Variants in DDX50 observed in about 807,000 individuals in gnomAD.
DDX50 encodes the protein ATP-dependent RNA helicase DDX50.
Under a neutral mutation model 94.8 loss-of-function variants are expected in DDX50, and 56 were observed. The observed-to-expected ratio is 0.59, with a 90% CI of 0.48 to 0.74. DDX50 has a LOEUF of 0.74. Ranked by LOEUF, DDX50 falls within the 30% of genes least tolerant of loss-of-function variation. The probability of loss-of-function intolerance (pLI) is 0.00; values close to 1 mark genes in which losing one functional copy is unlikely to be tolerated. For missense variants in DDX50, 713 were observed against 881.2 expected (o/e 0.81, Z 2.42); for synonymous variants, 264 against 295.4 (o/e 0.89, Z 1.09).
intron 8 of DDX50, among the ~76,000 whole-genome samples, chr10:68,932,442 T>C (rs1428424391): frequency 6.6e-6 from 1 of 152,068 alleles, no homozygotes; most frequent in Non-Finnish European, 1.5e-5. Context: ...GTATTTTTAG[T>C]AGAGATGAGG....
intron 11 of DDX50, among the ~76,000 whole-genome samples, chr10:68,936,488 CAAAAAAAAAAAAA>C (rs1212336346): frequency 8.2e-4 from 22 of 26,822 alleles, no homozygotes; most frequent in African/African-American, 1.9e-3. Context: ...GACTCTGTCT[CAAAAAAAAAAAAA>C]AAAAAAAAAA....
rs1157178909 is a variant in DDX50 at position 68,908,637 on chromosome 10, C to CTTTT, written c.384+1648_385-1649dup. ...TTTCCTCTGTAGTTTTTAAAATTTC[C>CTTTT]TTTTTTTTTTTTTTTTTTTTTGAGA... is the stretch of plus-strand genomic sequence containing the variant. On this transcript the variant is annotated intron_variant, in intron 2 of 14. Transcript: ENST00000373585. 3.8e-4 allele frequency among the ~76,000 whole-genome samples: 36 copies of CTTTT among 95,746 alleles called. 1 individual carries two copies. Among genetic ancestry groups the CTTTT allele is most frequent in the Non-Finnish European group, 5.9e-4 (29 of 48,904 alleles). The allele number at this position is 95,746 out of a possible 152,430, so 62.8% of individuals were successfully genotyped here.
rs1842354567 is a variant in DDX50 at position 68,934,454 on chromosome 10, C to T, written c.1401+94C>T. 1 of 1,530,478 alleles carries T rather than the reference C, an allele frequency of 6.5e-7. No individual in the cohort carries two copies. The highest frequency in any genetic ancestry group is 8.9e-7 in the Non-Finnish European group (1 of 1,128,792). The allele number at this position is 1,530,478 out of a possible 1,614,324, so 94.8% of individuals were successfully genotyped here. On this transcript the variant is annotated intron_variant, in intron 9 of 14. Coordinates refer to ENST00000373585, the MANE Select transcript of DDX50 (RefSeq NM_024045.2). This position sits in a 1 kb window ranked among gnomAD's most constrained non-coding sequence, Gnocchi z 4.0. ...ATTGCTTGGGATGTGAAAAATATGT[C>T]ATCTCTTCTTGCTCTTAGCCATTTT...
At chr10:68,936,176 G>A (rs938520926) in intron 11 of DDX50, 97 bp downstream of exon 11, 4 of 899,714 alleles carry the variant, frequency 4.4e-6, no homozygotes, top group African/African-American at 1.7e-5. Context: ...TTTACCACCA[G>A]TTTTACCAGC....
chr10:68,918,470 CTG>C (rs1304778829), intron 7 of DDX50, among the ~76,000 whole-genome samples: 4 of 93,736 alleles, frequency 4.3e-5, no homozygotes, highest in Non-Finnish European at 7.8e-5. Context: ...GAGTTTAGCT[CTG>C]TTGCCCAGGC....
At position 68,906,929 on chromosome 10, in the gene DDX50, T is replaced by A. The variant is rs749762216; in HGVS notation, c.306T>A (p.Asp102Glu). ...RRKDLPNGDIDEYEKKSKRVS... is the reference protein window; with the variant it reads ...RRKDLPNGDIEEYEKKSKRVS... ...AAGATCTACCAAATGGAGATATAGA[T>A]GAATATGAAAAAAAATCAAAGCGAG... The change falls in exon 2 of 15, where the codon GAT (aspartate) becomes GAA (glutamate). Residue 102 changes from aspartate to glutamate, a missense_variant. Asp to Glu is a conservative substitution (Grantham distance 45). Around this residue, in one of 2 missense-constraint regions of DDX50, gnomAD observed 285 missense variants for 278.9 expected, o/e 1.02. Coordinates refer to ENST00000373585, the MANE Select transcript of DDX50 (RefSeq NM_024045.2). 6.2e-7 allele frequency: 1 copy of A among 1,600,786 alleles called. No individual in the cohort carries two copies. The highest frequency in any genetic ancestry group is 8.5e-7 in the Non-Finnish European group (1 of 1,177,062).
chr10:68,921,311 T>A (rs556693698), intron 8 of DDX50, among the ~76,000 whole-genome samples: 1 of 152,306 alleles, frequency 6.6e-6, no homozygotes, highest in Non-Finnish European at 1.5e-5. Flanking sequence ...TGAATCTGAG[T>A]CCAAATAAGG....
At chr10:68,930,696 C>T (rs1224888259) in intron 8 of DDX50, among the ~76,000 whole-genome samples, 3 of 152,046 alleles carry the variant, frequency 2.0e-5, no homozygotes, top group Non-Finnish European at 4.4e-5. Flanking sequence ...TCACTCTGTC[C>T]CCCAGCCTGG....
chr10:68,931,412 T>TCACAC (rs1842263623), intron 8 of DDX50, among the ~76,000 whole-genome samples: 2 of 30,100 alleles, frequency 6.6e-5, no homozygotes, highest in Non-Finnish European at 1.2e-4. Context: ...TATATATATG[T>TCACAC]ATATATATAT....
rs1186392265 is a variant in DDX50 at position 68,913,401 on chromosome 10, T to C, written c.768T>C (p.Ile256=). 1.2e-6 allele frequency: 2 copies of C among 1,611,408 alleles called. No homozygotes were observed. The highest frequency in any genetic ancestry group is 2.7e-5 in the African/African-American group (2 of 74,834). Reference sequence around the variant, plus strand: ...TCTCTCTTCTCACAGTTAATCATATTCGAAATGGTATTGACATCTTGGTTG... The same window carrying C: ...TCTCTCTTCTCACAGTTAATCATATCCGAAATGGTATTGACATCTTGGTTG... ...GTSYQSQINH[I]RNGIDILVGT... Residue 256 remains isoleucine, a synonymous_variant, in exon 6 of 15, where the codon ATT becomes ATC. Coordinates refer to ENST00000373585, the MANE Select transcript of DDX50 (RefSeq NM_024045.2).
chr10:68,934,288 G>A lies in DDX50; in HGVS notation c.1329G>A (p.Val443=). The A allele has an allele frequency of 6.2e-7, 1 of 1,613,542 alleles. No homozygotes were observed. The highest frequency in any genetic ancestry group is 8.5e-7 in the Non-Finnish European group (1 of 1,179,850). The change falls in exon 9 of 15, where the codon GTG becomes GTA. Residue 443 remains valine (V), a synonymous_variant. Transcript: ENST00000373585. The surrounding 1 kb of genome is among the most constrained non-coding windows in gnomAD (Gnocchi z 4.0). The stretch of plus-strand genomic sequence containing the variant: ...GAGAAGGTAGTTTTAAAGTTTTGGT[G>A]GCAACCAATGTGGCTGCCCGTGGTT... The part of the protein sequence containing the change: ...GFREGSFKVL[V]ATNVAARGLD...
At chr10:68,901,573 C>A in intron 1 of DDX50, 102 bp downstream of exon 1, 1 of 1,237,322 alleles carries the variant, frequency 8.1e-7, no homozygotes, top group Non-Finnish European at 1.1e-6. Context: ...CGGGCCGGAG[C>A]ATCCGAGGGC....
intron 8 of DDX50, among the ~76,000 whole-genome samples, chr10:68,930,245 G>A (rs1051012355): frequency 1.3e-5 from 2 of 150,538 alleles, no homozygotes; most frequent in Non-Finnish European, 2.9e-5. Context: ...AGCCTCCTGA[G>A]TAGCTGGGAT....
At chr10:68,907,123 C>G in intron 2 of DDX50, 116 bp downstream of exon 2, 1 of 1,016,570 alleles carries the variant, frequency 9.8e-7, no homozygotes, top group South Asian at 1.6e-5. Flanking sequence ...GTCTAGTATT[C>G]TTAGTTGCAC....
chr10:68,928,403 G>A (rs1842146619), intron 8 of DDX50, among the ~76,000 whole-genome samples: 1 of 152,078 alleles, frequency 6.6e-6, no homozygotes. Context: ...AGGCACGATG[G>A]CTTACATCTG....
At chr10:68,945,373 C>G (rs1474573587) in intron 14 of DDX50, among the ~76,000 whole-genome samples, 1 of 151,872 alleles carries the variant, frequency 6.6e-6, no homozygotes, top group Admixed American at 6.6e-5. Context: ...GTGGCACGAT[C>G]TCGGCTCACT....
At chr10:68,936,573 G>A (rs1161476095) in intron 11 of DDX50, among the ~76,000 whole-genome samples, 1 of 125,384 alleles carries the variant, frequency 8.0e-6, no homozygotes, top group Non-Finnish European at 1.6e-5. Context: ...GCACTGTGGT[G>A]CACGCCTGTA....
At chr10:68,939,737 A>T (rs1325066859) in intron 12 of DDX50, among the ~76,000 whole-genome samples, 1 of 152,138 alleles carries the variant, frequency 6.6e-6, no homozygotes, top group Non-Finnish European at 1.5e-5. Flanking sequence ...ACTCTAAAAT[A>T]GCTTACTCCT....
At chr10:68,924,894 C>T (rs987039406) in intron 8 of DDX50, among the ~76,000 whole-genome samples, 3 of 152,174 alleles carry the variant, frequency 2.0e-5, no homozygotes, top group Admixed American at 1.3e-4. Context: ...TTAACTCTGG[C>T]TCCTCACAAT....
Sources: allele counts gnomAD v4.1 joint callset (sites outside exome capture counted in the v4.1 genomes callset), GRCh38; gene constraint gnomAD v4.1.1; regional missense constraint gnomAD v4.1.1; non-coding constraint Gnocchi (gnomAD v3.1); transcripts MANE v1.5; gene names NCBI Gene and HGNC (gene_info 2026-07-23, HGNC 2026-07-21).